Variants in TLN2 observed in about 807,000 individuals in gnomAD.
TLN2 encodes talin-2.
In TLN2, 118 loss-of-function variants were observed where a neutral mutation model predicts 294.7. The ratio of observed to expected loss-of-function variants is 0.40; its 90% CI spans 0.34 to 0.47. TLN2 has a LOEUF of 0.47. TLN2 is among the 20% of genes least tolerant of loss of function. TLN2 has a pLI of 0.84. For synonymous variants in TLN2, 1,431 were observed against 1,304.5 expected (o/e 1.10, Z -2.09); for missense variants, 3,083 against 3,282.2 (o/e 0.94, Z 1.48).
In TLN2 at chr15:62,468,744, C is replaced by CAAA. The variant is rs72096398; in HGVS notation, c.-238+78067_-238+78069dup. The stretch of plus-strand genomic sequence containing the variant: ...TGGGCGACAGAGCTAGACTCTGTCT[C>CAAA]AAAAAAAAAATAAAAATAAAAAAAA... On this transcript the variant is annotated intron_variant, in intron 1 of 58. Transcript: ENST00000636159. Among the ~76,000 whole-genome samples the CAAA allele has an allele frequency of 7.3e-4, 85 of 116,728 alleles. 1 individual carries two copies. The highest frequency in any genetic ancestry group is 4.2e-3 in the East Asian group (18 of 4,236). 76.6% of individuals were successfully genotyped at this position (116,728 alleles called of 152,430 possible).
chr15:62,504,875 G>A (rs1488268866), intron 1 of TLN2, among the ~76,000 whole-genome samples: 1 of 151,062 alleles, frequency 6.6e-6, no homozygotes, highest in East Asian at 2.0e-4. Context: ...GAGAGAGGGA[G>A]ACTCTGGGCC....
In TLN2 at chr15:62,745,326, G is replaced by A. The variant is rs2061553764; in HGVS notation, c.4026-3025G>A. Among the ~76,000 whole-genome samples the A allele has an allele frequency of 2.6e-5, 4 of 151,670 alleles. No individual in the cohort carries two copies. In the South Asian group the frequency reaches 8.3e-4, roughly 32 times the overall value. ...TATGTGGCTTTGATCACTAAAAAAAGATGGTAAAAAAAAAATAAAAGTAAC... is the reference window on the plus strand; with the variant it reads ...TATGTGGCTTTGATCACTAAAAAAAAATGGTAAAAAAAAAATAAAAGTAAC... On this transcript the variant is annotated intron_variant, in intron 32 of 58. Transcript: ENST00000636159.
chr15:62,479,067 A>G (rs2037939884), intron 1 of TLN2, among the ~76,000 whole-genome samples: 1 of 152,188 alleles, frequency 6.6e-6, no homozygotes, highest in Admixed American at 6.5e-5. Flanking sequence ...TGGGATGTCC[A>G]TCTAGTGACA....
chr15:62,430,404 C>T (rs984467830), intron 1 of TLN2, among the ~76,000 whole-genome samples: 12 of 152,154 alleles, frequency 7.9e-5, no homozygotes, highest in Admixed American at 1.3e-4. Flanking sequence ...AAACTCTTCC[C>T]GGTTAGAGGA....
chr15:62,647,245 C>T, intron 3 of TLN2, 30 bp from the exon 4 acceptor site: 1 of 1,549,438 alleles, frequency 6.5e-7, no homozygotes. Context: ...TTATCGTGAA[C>T]ATCAGGGTTT....
intron 1 of TLN2, among the ~76,000 whole-genome samples, chr15:62,461,733 G>A (rs1200447297): frequency 2.0e-5 from 3 of 152,200 alleles, no homozygotes; most frequent in Non-Finnish European, 2.9e-5. Flanking sequence ...TGAAGGATGA[G>A]AGCAAGGCCA....
intron 1 of TLN2, among the ~76,000 whole-genome samples, chr15:62,562,707 C>T (rs2043062433): frequency 6.6e-6 from 1 of 151,998 alleles, no homozygotes; most frequent in Non-Finnish European, 1.5e-5. Context: ...CCCACCCTTT[C>T]CCCTCAAGTC....
intron 1 of TLN2, among the ~76,000 whole-genome samples, chr15:62,450,791 G>C (rs114899399): frequency 0.019 from 2,867 of 152,064 alleles, 85 homozygotes; most frequent in African/African-American, 0.066. Context: ...GGCTGGTCTC[G>C]AACTCCTGGG....
At chr15:62,693,801 A>G (rs376817866) in intron 13 of TLN2, among the ~76,000 whole-genome samples, 2 of 152,216 alleles carry the variant, frequency 1.3e-5, no homozygotes, top group Non-Finnish European at 1.5e-5. Flanking sequence ...ATATTAAATC[A>G]TATATTTCTC....
intron 32 of TLN2, among the ~76,000 whole-genome samples, chr15:62,746,703 G>A (rs2061632685): frequency 6.6e-6 from 1 of 152,126 alleles, no homozygotes; most frequent in Non-Finnish European, 1.5e-5. Context: ...AGCAATATGT[G>A]CCTATTTTAT....
At chr15:62,427,487 G>T (rs1468077308) in intron 1 of TLN2, among the ~76,000 whole-genome samples, 1 of 152,188 alleles carries the variant, frequency 6.6e-6, no homozygotes, top group Non-Finnish European at 1.5e-5. Flanking sequence ...GAAGAGGAAG[G>T]CAACGGGAGG....
intron 1 of TLN2, among the ~76,000 whole-genome samples, chr15:62,400,243 T>C (rs2032923821): frequency 6.6e-6 from 1 of 152,196 alleles, no homozygotes. Flanking sequence ...CTCCCCACCA[T>C]GCTGAACTGT....
rs1043126430 is a variant in TLN2 at position 62,590,491 on chromosome 15, A to G, written c.-162+729A>G. On this transcript the variant is annotated intron_variant, in intron 2 of 58. Coordinates refer to ENST00000636159, the MANE Select transcript of TLN2 (RefSeq NM_015059.3). ...CCCCATCCATCTTCCTGCAAAGAAC[A>G]TGATCTTGTTCTTTTTTATGGCTGC... Among the ~76,000 whole-genome samples the G allele has an allele frequency of 8.4e-4, 128 of 152,274 alleles. 1 individual carries two copies. The highest frequency in any genetic ancestry group is 6.8e-3 in the Middle Eastern group (2 of 294).
At chr15:62,757,752 G>A (rs941155454) in intron 37 of TLN2, among the ~76,000 whole-genome samples, 3 of 152,238 alleles carry the variant, frequency 2.0e-5, no homozygotes, top group East Asian at 1.9e-4. Flanking sequence ...AAAGGCCTCC[G>A]TCTCCTGGCG....
intron 2 of TLN2, among the ~76,000 whole-genome samples, chr15:62,603,612 T>C (rs1567176369): frequency 6.6e-6 from 1 of 152,244 alleles, no homozygotes; most frequent in Non-Finnish European, 1.5e-5. Flanking sequence ...AAAATCATTA[T>C]TCTTTTTTAA....
intron 1 of TLN2, among the ~76,000 whole-genome samples, chr15:62,549,103 G>A (rs981077591): frequency 6.6e-6 from 1 of 152,094 alleles, no homozygotes; most frequent in Non-Finnish European, 1.5e-5. Context: ...TACATGTAGA[G>A]TCAATTAGCT....
At chr15:62,554,983 C>A (rs2042526888) in intron 1 of TLN2, among the ~76,000 whole-genome samples, 3 of 101,712 alleles carry the variant, frequency 2.9e-5, no homozygotes, top group South Asian at 3.3e-4. Context: ...TTTATAAATT[C>A]TATTTAGAAA....
intron 24 of TLN2, among the ~76,000 whole-genome samples, chr15:62,717,963 A>G (rs377008628): frequency 9.8e-5 from 15 of 152,296 alleles, no homozygotes; most frequent in East Asian, 5.8e-4. Flanking sequence ...TGACGAGGCC[A>G]TTTTAGGGCT....
At chr15:62,725,498 A>G (rs1250619227) in intron 27 of TLN2, among the ~76,000 whole-genome samples, 1 of 152,216 alleles carries the variant, frequency 6.6e-6, no homozygotes, top group Non-Finnish European at 1.5e-5. Flanking sequence ...GCCATACTGC[A>G]AATGGAATAA....
Sources: allele counts gnomAD v4.1 joint callset (sites outside exome capture counted in the v4.1 genomes callset), GRCh38; gene constraint gnomAD v4.1.1; transcripts MANE v1.5; gene names NCBI Gene and HGNC (gene_info 2026-07-23, HGNC 2026-07-21).